Variants in GLO1 observed in about 807,000 individuals in gnomAD.
GLO1 encodes the protein glyoxalase I.
Under a neutral mutation model 26.0 loss-of-function variants are expected in GLO1, and 28 were observed. The ratio of observed to expected loss-of-function variants is 1.08; its 90% CI spans 0.80 to 1.48. The LOEUF (loss-of-function observed/expected upper bound fraction) is 1.48, where lower values mean the gene tolerates loss of function less well. Ranked by LOEUF, GLO1 falls within the 40% of genes most tolerant of loss-of-function variation. The probability of loss-of-function intolerance (pLI) is 0.00; values close to 1 mark genes in which losing one functional copy is unlikely to be tolerated. For missense variants in GLO1, 225 were observed against 224.8 expected (o/e 1.00, Z -0.01); for synonymous variants, 78 against 77.6 (o/e 1.00, Z -0.03).
At chr6:38,702,549 T>G (rs890178783) in intron 1 of GLO1, among the ~76,000 whole-genome samples, 1 of 152,138 alleles carries the variant, frequency 6.6e-6, no homozygotes, top group Non-Finnish European at 1.5e-5. Context: ...TCAAATTAGT[T>G]TGCAGGAGTT....
intron 1 of GLO1, among the ~76,000 whole-genome samples, chr6:38,693,685 C>CTCTCTCTCTATATATATATA (rs869232489): frequency 8.5e-4 from 73 of 86,384 alleles, no homozygotes; most frequent in Non-Finnish European, 1.2e-3. Context: ...CTCTCTCTCT[C>CTCTCTCTCTATATATATATA]TATATATATA....
chr6:38,695,427 C>G (rs920456992), intron 1 of GLO1, among the ~76,000 whole-genome samples: 5 of 152,092 alleles, frequency 3.3e-5, no homozygotes, highest in African/African-American at 1.2e-4. Flanking sequence ...TTGGTGACAT[C>G]ATTTTATTAG....
chr6:38,700,330 G>A (rs1475002649), intron 1 of GLO1, among the ~76,000 whole-genome samples: 1 of 152,228 alleles, frequency 6.6e-6, no homozygotes, highest in African/African-American at 2.4e-5. Context: ...TCTTTTTGAT[G>A]TGTGCCCTGA....
chr6:38,702,222 C>A (rs990336917), intron 1 of GLO1, among the ~76,000 whole-genome samples: 29 of 152,162 alleles, frequency 1.9e-4, no homozygotes, highest in Non-Finnish European at 4.4e-5. Context: ...CCACCGCGCC[C>A]GCCAACTGTG....
chr6:38,701,928 ATTTTTTTTT>A (rs555631797), intron 1 of GLO1, among the ~76,000 whole-genome samples: 1 of 137,156 alleles, frequency 7.3e-6, no homozygotes, highest in Non-Finnish European at 1.6e-5. Flanking sequence ...CTGTGCCTGA[ATTTTTTTTT>A]TTTTTTTTTT....
chr6:38,702,922 C>G lies in GLO1; in HGVS notation c.84+49G>C, dbSNP rs551249207. On this transcript the variant is annotated intron_variant, in intron 1 of 5. Transcript: ENST00000373365. ...GGGGTTGGATAGAATGCGGCCCGGT[C>G]CCGGCCCAGCGGAGCTGGGGGAGCC... is the stretch of plus-strand genomic sequence containing the variant. 4.8e-5 allele frequency: 53 copies of G among 1,093,550 alleles called. No individual in the cohort carries two copies. The East Asian group carries it at 1.3e-3, about 26-fold the overall frequency. The allele number at this position is 1,093,550 out of a possible 1,614,324, so 67.7% of individuals were successfully genotyped here. A position where few individuals can be genotyped will look rare whatever the true frequency, so the allele number is the denominator to read the frequency against.
chr6:38,688,665 C>G (rs1761489671), intron 1 of GLO1, among the ~76,000 whole-genome samples: 1 of 152,180 alleles, frequency 6.6e-6, no homozygotes, highest in Non-Finnish European at 1.5e-5. Flanking sequence ...GCTGGCAGGC[C>G]TCATGGGGGA....
chr6:38,689,813 G>A (rs1761506970), intron 1 of GLO1, among the ~76,000 whole-genome samples: 1 of 151,986 alleles, frequency 6.6e-6, no homozygotes, highest in African/African-American at 2.4e-5. Flanking sequence ...CAGTAGTGGT[G>A]GTGCACGAAT....
chr6:38,690,094 TTTGACCAAGATGTTC>T (rs1347598176), intron 1 of GLO1, among the ~76,000 whole-genome samples: 3 of 152,180 alleles, frequency 2.0e-5, no homozygotes, highest in Non-Finnish European at 4.4e-5. Context: ...ATTCATATTC[TTTGACCAAGATGTTC>T]TCTTTCTAAA....
rs80334804 is a variant in GLO1, at chr6:38,689,137, G to A, written c.85-2163C>T. 8.2e-3 allele frequency among the ~76,000 whole-genome samples: 1,244 copies of A among 152,268 alleles called. 21 individuals carry two copies. Among genetic ancestry groups the A allele is most frequent in the African/African-American group, 0.029 (1,187 of 41,558 alleles). ...AGCAAGGAAGCTGGGACCCCTGTCC[G>A]ACAGTGGAAAGAAACTGAATTCAGG... On this transcript the variant is annotated intron_variant, in intron 1 of 5. Transcript: ENST00000373365.
chr6:38,693,868 G>A (rs757496297), intron 1 of GLO1, among the ~76,000 whole-genome samples: 32 of 151,932 alleles, frequency 2.1e-4, no homozygotes, highest in Non-Finnish European at 4.4e-4. Context: ...CCGCCACCAC[G>A]CCTGGCTAAT....
At chr6:38,697,029 C>T (rs190713703) in intron 1 of GLO1, among the ~76,000 whole-genome samples, 1 of 152,012 alleles carries the variant, frequency 6.6e-6, no homozygotes, top group Admixed American at 6.5e-5. Context: ...TCTCCTGCCT[C>T]AGCCCCCTGA....
intron 1 of GLO1, among the ~76,000 whole-genome samples, chr6:38,697,171 C>G (rs924463072): frequency 5.3e-5 from 8 of 152,140 alleles, no homozygotes; most frequent in Admixed American, 5.2e-4. Context: ...CCTTGGTCTC[C>G]CAAAGTGCTG....
At chr6:38,696,147 T>C (rs1272218344) in intron 1 of GLO1, among the ~76,000 whole-genome samples, 2 of 151,442 alleles carry the variant, frequency 1.3e-5, no homozygotes, top group Admixed American at 1.3e-4. Context: ...CCTCCCACAA[T>C]GGGATATGAG....
intron 1 of GLO1, 99 bp from the exon 2 acceptor site, chr6:38,687,073 C>T: frequency 6.7e-7 from 1 of 1,491,388 alleles, no homozygotes; most frequent in South Asian, 1.4e-5. Context: ...AATTGTTAAC[C>T]TACCACCTAC....
intron 1 of GLO1, among the ~76,000 whole-genome samples, chr6:38,694,543 G>T (rs966847466): frequency 6.6e-6 from 1 of 152,092 alleles, no homozygotes; most frequent in African/African-American, 2.4e-5. Flanking sequence ...GCTGGGTGTG[G>T]TAGTGTACAC....
At chr6:38,698,052 C>T (rs2127548891) in intron 1 of GLO1, among the ~76,000 whole-genome samples, 1 of 152,340 alleles carries the variant, frequency 6.6e-6, no homozygotes. Flanking sequence ...GTTATCACCA[C>T]TCCCCTAAAC....
At chr6:38,701,611 T>C (rs1248900527) in intron 1 of GLO1, among the ~76,000 whole-genome samples, 1 of 152,188 alleles carries the variant, frequency 6.6e-6, no homozygotes, top group Non-Finnish European at 1.5e-5. Context: ...TATTAAGGGA[T>C]ATACAAGTGA....
chr6:38,689,879 T>G (rs546472449), intron 1 of GLO1, among the ~76,000 whole-genome samples: 45 of 152,124 alleles, frequency 3.0e-4, no homozygotes, highest in Non-Finnish European at 5.3e-4. Context: ...CAGGCTAGAG[T>G]GCAGCAGTGA....
Sources: gnomAD v4.1 joint callset for allele counts (sites outside exome capture counted in the v4.1 genomes callset) on GRCh38, gnomAD v4.1.1 for gene constraint, MANE v1.5 for transcripts, NCBI Gene and HGNC (gene_info 2026-07-23, HGNC 2026-07-21) for gene names.